PREPL: variants seen among roughly 807,000 people sequenced by gnomAD.
PREPL encodes the protein prolyl endopeptidase like.
In PREPL, 77 loss-of-function variants were observed where a neutral mutation model predicts 70.6. The ratio of observed to expected loss-of-function variants is 1.09; its 90% confidence interval spans 0.91 to 1.32. The LOEUF is 1.32. Ranked by LOEUF, PREPL falls within the 40% of genes most tolerant of loss-of-function variation. The pLI is 0.00. For missense variants in PREPL, 1,002 were observed against 778.2 expected, an observed-to-expected ratio of 1.29 and a Z score of -3.42; for synonymous variants, 315 against 264.8, an observed-to-expected ratio of 1.19 and a Z score of -1.84.
At chr2:44,346,442 T>C (rs763256714) in intron 1 of PREPL, 52 bp from the exon 2 acceptor site, 1 of 1,575,068 alleles carries the variant, frequency 6.3e-7, no homozygotes, top group East Asian at 2.2e-5. Context: ...GAAAAAAAAC[T>C]TTTGCTTTTT....
At position 44,329,209 on chromosome 2, in the gene PREPL, G is replaced by C. The variant is rs2103789854; in HGVS notation, c.1087-97C>G. 1.4e-5 allele frequency: 13 copies of C among 953,500 alleles called. No homozygotes were observed. The East Asian group carries it at 2.5e-4, about 19-fold the overall frequency. 59.1% of individuals were successfully genotyped at this position (953,500 alleles called of 1,614,324 possible). A position where few individuals can be genotyped will look rare whatever the true frequency, so the allele number is the denominator to read the frequency against. On this transcript the variant is annotated intron_variant, in intron 8 of 13. Coordinates refer to ENST00000409411, the MANE Select transcript of PREPL (RefSeq NM_001171613.2). ...ACATTGAGGTGCACTGTCCCCACTT[G>C]TGTGCTACCTACTGATGTTGAGCAC... is the stretch of plus-strand genomic sequence containing the variant.
chr2:44,326,985 G>T, intron 9 of PREPL, 57 bp from the exon 10 acceptor site: 2 of 1,466,440 alleles, frequency 1.4e-6, no homozygotes, highest in Non-Finnish European at 1.9e-6. Context: ...ACTGTAGGCT[G>T]GGGTCAGCGA....
rs146345274 is a variant in PREPL at position 44,354,484 on chromosome 2, A to G, written c.-49+6896T>C. The stretch of plus-strand genomic sequence containing the variant: ...TCCTATGGCTTCAACTACTATCTAC[A>G]TGTAACAACTCTCCCCAAATTCCAG... On this transcript the variant is annotated intron_variant, in intron 1 of 13. Coordinates refer to ENST00000409411, the MANE Select transcript of PREPL (RefSeq NM_001171613.2). Among the ~76,000 whole-genome samples the G allele has an allele frequency of 3.3e-3, 504 of 152,250 alleles. 3 individuals carry two copies. The highest frequency in any genetic ancestry group is 0.012 in the African/African-American group (491 of 41,562).
At chr2:44,354,553 A>G (rs1676804283) in intron 1 of PREPL, among the ~76,000 whole-genome samples, 1 of 151,562 alleles carries the variant, frequency 6.6e-6, no homozygotes, top group Non-Finnish European at 1.5e-5. Context: ...TTTACTAGTG[A>G]GTTATATTTA....
In PREPL at chr2:44,320,333, A is replaced by G. The variant is rs955430305; in HGVS notation, c.*1023T>C. On this transcript the variant is annotated 3_prime_UTR_variant, in exon 14 of 14. Transcript: ENST00000409411. ...ACAGCCACTATGTTGTGTACACAAG[A>G]GAGCTGGATGGCATCGACAGAATCT... The G allele has an allele frequency of 1.2e-6, 2 of 1,614,078 alleles. No individual in the cohort carries two copies. Among genetic ancestry groups the G allele is most frequent in the African/African-American group, 2.7e-5 (2 of 74,948 alleles).
intron 5 of PREPL, among the ~76,000 whole-genome samples, chr2:44,340,512 T>A (rs1397469266): frequency 6.6e-6 from 1 of 152,224 alleles, no homozygotes; most frequent in Admixed American, 6.5e-5. Flanking sequence ...TGGTAAAATT[T>A]CTTCTGTATT....
intron 1 of PREPL, among the ~76,000 whole-genome samples, chr2:44,352,253 T>C (rs542997242): frequency 1.4e-4 from 21 of 152,292 alleles, no homozygotes; most frequent in Non-Finnish European, 2.5e-4. Context: ...TTGTATTTCA[T>C]TCATGTAATT....
In PREPL at chr2:44,319,797, T is replaced by C. The variant is rs1672770599; in HGVS notation, c.*1559A>G. The C allele has an allele frequency of 5.6e-6, 1 of 179,994 alleles. No homozygotes were observed. The highest frequency in any genetic ancestry group is 1.2e-5 in the Non-Finnish European group (1 of 84,688). The allele number at this position is 179,994 out of a possible 1,614,324, so 11.1% of individuals were successfully genotyped here. Reference sequence around the variant, plus strand: ...TCTACAAAGGGGAACAAACCCAAATTCCTCAGAAGTCTGAGTCCACTGTTG... The same window carrying C: ...TCTACAAAGGGGAACAAACCCAAATCCCTCAGAAGTCTGAGTCCACTGTTG... On this transcript the variant is annotated 3_prime_UTR_variant, in exon 14 of 14. Transcript: ENST00000409411.
In PREPL at chr2:44,318,158, T is replaced by G; in HGVS notation, c.*3198A>C. ...CATGCTCGAGTGCAGTGGCGTGATC[T>G]CGGCACACTGCAGCCTCTGCTTCCT... On this transcript the variant is annotated 3_prime_UTR_variant, in exon 14 of 14. Coordinates refer to ENST00000409411, the MANE Select transcript of PREPL (RefSeq NM_001171613.2). The G allele has an allele frequency of 2.3e-6, 1 of 438,878 alleles. No individual in the cohort carries two copies. Among genetic ancestry groups the G allele is most frequent in the Non-Finnish European group, 4.6e-6 (1 of 219,202 alleles). 27.2% of individuals were successfully genotyped at this position (438,878 alleles called of 1,614,324 possible).
chr2:44,343,332 T>C (rs759811757), intron 4 of PREPL, among the ~76,000 whole-genome samples: 3 of 152,136 alleles, frequency 2.0e-5, no homozygotes, highest in Non-Finnish European at 4.4e-5. Context: ...GTTCAACACA[T>C]ACCAAGTTCT....
intron 1 of PREPL, among the ~76,000 whole-genome samples, chr2:44,351,501 T>C (rs1311951707): frequency 1.5e-5 from 2 of 129,676 alleles, no homozygotes; most frequent in Non-Finnish European, 3.3e-5. Context: ...TCCCCATATA[T>C]CCCTCGCCCT....
intron 7 of PREPL, among the ~76,000 whole-genome samples, chr2:44,337,170 C>A (rs1372777606): frequency 6.6e-6 from 1 of 152,182 alleles, no homozygotes; most frequent in African/African-American, 2.4e-5. Context: ...TTCTGAATGT[C>A]AGAGCATACA....
At chr2:44,348,019 G>A (rs373071633) in intron 1 of PREPL, among the ~76,000 whole-genome samples, 17 of 152,186 alleles carry the variant, frequency 1.1e-4, no homozygotes, top group African/African-American at 4.1e-4. Flanking sequence ...TGTTATGATA[G>A]TCTCAATCAT....
At chr2:44,352,196 C>T (rs1676516021) in intron 1 of PREPL, among the ~76,000 whole-genome samples, 1 of 152,102 alleles carries the variant, frequency 6.6e-6, no homozygotes, top group Admixed American at 6.5e-5. Context: ...TCTTCCCCGT[C>T]TTTTTTTTCT....
chr2:44,320,054 C>G lies in PREPL; in HGVS notation c.*1302G>C, dbSNP rs1672792372. ...TTTTTATATAAATTGTTCTTACCTA[C>G]TTATTGATGCTTACAATTTGGCAAT... On this transcript the variant is annotated 3_prime_UTR_variant, in exon 14 of 14. Coordinates refer to ENST00000409411, the MANE Select transcript of PREPL (RefSeq NM_001171613.2). 1 of 652,184 alleles carries G rather than the reference C, an allele frequency of 1.5e-6. No homozygotes were observed. The highest frequency in any genetic ancestry group is 2.8e-5 in the Admixed American group (1 of 35,258). The allele number at this position is 652,184 out of a possible 1,614,324, so 40.4% of individuals were successfully genotyped here.
intron 4 of PREPL, among the ~76,000 whole-genome samples, chr2:44,343,101 C>A (rs1018701628): frequency 5.7e-4 from 87 of 152,216 alleles, no homozygotes; most frequent in African/African-American, 2.0e-3. Flanking sequence ...TAATATGCAC[C>A]ATGATTTTAA....
chr2:44,342,836 T>A (rs1033729765), intron 4 of PREPL, among the ~76,000 whole-genome samples: 2 of 152,190 alleles, frequency 1.3e-5, no homozygotes, highest in Non-Finnish European at 1.5e-5. Flanking sequence ...GGAAAGACAT[T>A]GGTAAAGTCA....
chr2:44,337,078 C>T (rs951527332), intron 7 of PREPL, among the ~76,000 whole-genome samples: 2 of 152,168 alleles, frequency 1.3e-5, no homozygotes, highest in Non-Finnish European at 2.9e-5. Flanking sequence ...TTGACACTCA[C>T]AAAAAGTCAA....
intron 5 of PREPL, among the ~76,000 whole-genome samples, chr2:44,341,705 AAAT>A (rs1675240953): frequency 6.6e-6 from 1 of 151,900 alleles, no homozygotes; most frequent in African/African-American, 2.4e-5. Flanking sequence ...TGTATTATAA[AAAT>A]AATAATGCTT....
Sources: gnomAD v4.1 joint callset for allele counts (sites outside exome capture counted in the v4.1 genomes callset) on GRCh38, gnomAD v4.1.1 for gene constraint, MANE v1.5 for transcripts, NCBI Gene and HGNC (gene_info 2026-07-23, HGNC 2026-07-21) for gene names.